SPRYD4: variants seen among roughly 807,000 people sequenced by gnomAD.
SPRYD4 encodes SPRY domain containing 4.
SPRYD4 carries 12 observed loss-of-function variants against 16.6 expected under a neutral mutation model. The observed-to-expected ratio is 0.72, with a 90% CI of 0.46 to 1.17. SPRYD4 has a LOEUF of 1.17. Ranked by LOEUF, SPRYD4 falls within the 50% of genes most tolerant of loss-of-function variation. The pLI, the probability that SPRYD4 is intolerant of heterozygous loss-of-function variation, is 0.00. For missense variants in SPRYD4, 260 were observed against 260.2 expected (o/e 1.00, Z 0.00); for synonymous variants, 98 against 105.4 (o/e 0.93, Z 0.43).
At position 56,470,511 on chromosome 12, in the gene SPRYD4, G is replaced by A. The variant is rs1219220535; in HGVS notation, c.*934G>A. 6.6e-6 allele frequency: 1 copy of A among 152,146 alleles called. No homozygotes were observed. Among genetic ancestry groups the A allele is most frequent in the Non-Finnish European group, 1.5e-5 (1 of 68,082 alleles). 9.4% of individuals were successfully genotyped at this position (152,146 alleles called of 1,614,324 possible). ...GTCTCATTTTTATATTTTTAGTAGA[G>A]ATGGGGTTTTGCCATATTGGCCAGG... On this transcript the variant is annotated 3_prime_UTR_variant, in exon 2 of 2. Coordinates refer to ENST00000338146, the MANE Select transcript of SPRYD4 (RefSeq NM_207344.4).
Position 56,473,811 on chromosome 12 carries a change from C to T in SPRYD4, c.*4234C>T, listed in dbSNP as rs1869531500. The T allele has an allele frequency of 3.6e-6, 2 of 556,878 alleles. No homozygotes were observed. Among genetic ancestry groups the T allele is most frequent in the South Asian group, 3.0e-5 (1 of 33,300 alleles). The allele number at this position is 556,878 out of a possible 1,614,324, so 34.5% of individuals were successfully genotyped here. Reference sequence around the variant, plus strand: ...AAAATATTTTTTGAAATACTTACAGCATTCTGTGCTAGATGCTGTGCTAGA... The same window carrying T: ...AAAATATTTTTTGAAATACTTACAGTATTCTGTGCTAGATGCTGTGCTAGA... On this transcript the variant is annotated 3_prime_UTR_variant, in exon 2 of 2. Transcript: ENST00000338146.
At position 56,468,626 on chromosome 12, in the gene SPRYD4, G is replaced by A. The variant is rs369088791; in HGVS notation, c.35G>A (p.Cys12Tyr). 8.1e-6 allele frequency: 13 copies of A among 1,613,892 alleles called. No individual in the cohort carries two copies. The highest frequency in any genetic ancestry group is 1.1e-5 in the Non-Finnish European group (13 of 1,180,004). Reference sequence around the variant, plus strand: ...CTTTTTGCACGTTCTTTGCGCTTGTGCCGCTGGGGAGCCAAACGATTGGGA... The same window carrying A: ...CTTTTTGCACGTTCTTTGCGCTTGTACCGCTGGGGAGCCAAACGATTGGGA... ...ALLFARSLRLCRWGAKRLGVA... is the reference protein window; with the variant it reads ...ALLFARSLRLYRWGAKRLGVA... Residue 12 changes from cysteine to tyrosine, a missense_variant, in exon 1 of 2, where the codon TGC becomes TAC. By Grantham distance (194) the Cys-to-Tyr change is radical. Transcript: ENST00000338146.
rs966581947 is a variant in SPRYD4 at position 56,473,685 on chromosome 12, A to G, written c.*4108A>G. 1.7e-5 allele frequency: 25 copies of G among 1,451,244 alleles called. No homozygotes were observed. In the Admixed American group the frequency reaches 5.0e-4, roughly 29 times the overall value. 89.9% of individuals were successfully genotyped at this position (1,451,244 alleles called of 1,614,324 possible). A position where few individuals can be genotyped will look rare whatever the true frequency, so the allele number is the denominator to read the frequency against. ...GGCTGTACTCTTAACAAGTTTACAA[A>G]TGACTGCATGACCACAATCCACCTC... On this transcript the variant is annotated 3_prime_UTR_variant, in exon 2 of 2. Coordinates refer to ENST00000338146, the MANE Select transcript of SPRYD4 (RefSeq NM_207344.4).
chr12:56,476,007 C>T lies in SPRYD4; in HGVS notation c.*6430C>T. On this transcript the variant is annotated 3_prime_UTR_variant, in exon 2 of 2. Coordinates refer to ENST00000338146, the MANE Select transcript of SPRYD4 (RefSeq NM_207344.4). ...AGAGAAAGAGAGAGATGTCAGCATTCTAAGTGTAGGAGGATGACAGAGGGA... is the reference window on the plus strand; with the variant it reads ...AGAGAAAGAGAGAGATGTCAGCATTTTAAGTGTAGGAGGATGACAGAGGGA... 4.4e-6 allele frequency: 7 copies of T among 1,608,990 alleles called. No homozygotes were observed. The highest frequency in any genetic ancestry group is 5.9e-6 in the Non-Finnish European group (7 of 1,178,408).
rs371307227 is a variant in SPRYD4, at chr12:56,477,893, G to A, written c.*8316G>A. ...AGATGGGGTGGGGATAAGGAGAAGG[G>A]GACAGCTGTAAGTACGGTCTGAGCC... is the stretch of plus-strand genomic sequence containing the variant. On this transcript the variant is annotated 3_prime_UTR_variant, in exon 2 of 2. Coordinates refer to ENST00000338146, the MANE Select transcript of SPRYD4 (RefSeq NM_207344.4). 122 of 1,593,826 alleles carry A rather than the reference G, an allele frequency of 7.7e-5. No individual in the cohort carries two copies. The South Asian group carries it at 1.2e-3, about 16-fold the overall frequency.
chr12:56,476,134 C>A lies in SPRYD4; in HGVS notation c.*6557C>A. On this transcript the variant is annotated 3_prime_UTR_variant, in exon 2 of 2. Coordinates refer to ENST00000338146, the MANE Select transcript of SPRYD4 (RefSeq NM_207344.4). Reference sequence around the variant, plus strand: ...CCTTTTTTTATCCTTCTGAAAACACCGCACTTCCATTGGCTCCTCTCTTTC... The same window carrying A: ...CCTTTTTTTATCCTTCTGAAAACACAGCACTTCCATTGGCTCCTCTCTTTC... The A allele has an allele frequency of 3.0e-6, 2 of 656,482 alleles. No homozygotes were observed. Among genetic ancestry groups the A allele is most frequent in the Non-Finnish European group, 5.3e-6 (2 of 378,192 alleles). 40.7% of individuals were successfully genotyped at this position (656,482 alleles called of 1,614,324 possible). A position where few individuals can be genotyped will look rare whatever the true frequency, so the allele number is the denominator to read the frequency against.
rs1457829845 is a variant in SPRYD4, at chr12:56,477,161, G to A, written c.*7584G>A. 6.6e-6 allele frequency: 1 copy of A among 152,524 alleles called. No homozygotes were observed. The highest frequency in any genetic ancestry group is 1.5e-5 in the Non-Finnish European group (1 of 68,308). The allele number at this position is 152,524 out of a possible 1,614,324, so 9.4% of individuals were successfully genotyped here. A position where few individuals can be genotyped will look rare whatever the true frequency, so the allele number is the denominator to read the frequency against. ...GGGTGTTGCTGCCCAGCTGCTCCCA[G>A]GTTCTTGCTCAAGCCCTGGGAGACC... On this transcript the variant is annotated 3_prime_UTR_variant, in exon 2 of 2. Coordinates refer to ENST00000338146, the MANE Select transcript of SPRYD4 (RefSeq NM_207344.4).
Position 56,479,215 on chromosome 12 carries a change from G to C in SPRYD4, c.*9638G>C, listed in dbSNP as rs560100533. On this transcript the variant is annotated 3_prime_UTR_variant, in exon 2 of 2. Transcript: ENST00000338146. The stretch of plus-strand genomic sequence containing the variant: ...CAGACACGATTGGATTAGGGGGCTA[G>C]AGAAATGCAGCTGGGACTCACTCTG... 2 of 1,608,310 alleles carry C rather than the reference G, an allele frequency of 1.2e-6. No individual in the cohort carries two copies. The highest frequency in any genetic ancestry group is 1.7e-5 in the Admixed American group (1 of 59,892).
chr12:56,471,591 C>T lies in SPRYD4; in HGVS notation c.*2014C>T. ...TCCTGGTAATCTTGAAGCAGTTTGACCACCTCCAGATGGTTGAACTGCACA... is the reference window on the plus strand; with the variant it reads ...TCCTGGTAATCTTGAAGCAGTTTGATCACCTCCAGATGGTTGAACTGCACA... On this transcript the variant is annotated 3_prime_UTR_variant, in exon 2 of 2. Transcript: ENST00000338146. 1.9e-6 allele frequency: 3 copies of T among 1,614,098 alleles called. No individual in the cohort carries two copies. Among genetic ancestry groups the T allele is most frequent in the Non-Finnish European group, 8.5e-7 (1 of 1,180,014 alleles).
Position 56,472,200 on chromosome 12 carries a change from G to T in SPRYD4, c.*2623G>T. 1.9e-6 allele frequency: 3 copies of T among 1,614,078 alleles called. No homozygotes were observed. In the South Asian group the frequency reaches 3.3e-5, roughly 18 times the overall value. On this transcript the variant is annotated 3_prime_UTR_variant, in exon 2 of 2. Coordinates refer to ENST00000338146, the MANE Select transcript of SPRYD4 (RefSeq NM_207344.4). ...TCCATGGCTGACAAGGCAAACCTGAGGGTAGTGGGAAAGCAGCTAGAGTTG... is the reference window on the plus strand; with the variant it reads ...TCCATGGCTGACAAGGCAAACCTGATGGTAGTGGGAAAGCAGCTAGAGTTG...
Position 56,479,654 on chromosome 12 carries a change from A to G in SPRYD4, c.*10077A>G. On this transcript the variant is annotated 3_prime_UTR_variant, in exon 2 of 2. Transcript: ENST00000338146. ...TATGATGAGTATTCATGTATAACTT[A>G]TGTAATAAGTAATAAAATAAAATGA... 1 of 1,138,992 alleles carries G rather than the reference A, an allele frequency of 8.8e-7. No homozygotes were observed. The highest frequency in any genetic ancestry group is 1.2e-6 in the Non-Finnish European group (1 of 848,978). The allele number at this position is 1,138,992 out of a possible 1,614,324, so 70.6% of individuals were successfully genotyped here.
In SPRYD4 at chr12:56,468,598, C is replaced by G; in HGVS notation, c.7C>G (p.Leu3Val). 6.2e-7 allele frequency: 1 copy of G among 1,613,412 alleles called. No homozygotes were observed. The highest frequency in any genetic ancestry group is 8.5e-7 in the Non-Finnish European group (1 of 1,179,962). The change falls in exon 1 of 2, where the codon CTG becomes GTG. Residue 3 changes from leucine (L) to valine (V), a missense_variant. Leu to Val is a conservative substitution (Grantham distance 32). Transcript: ENST00000338146. Reference protein sequence around the residue: MALLFARSLRLCR... With the variant: MAVLFARSLRLCR... The stretch of plus-strand genomic sequence containing the variant: ...GGTTCATCCAAGGCGCAAGATGGCG[C>G]TGCTTTTTGCACGTTCTTTGCGCTT...
In SPRYD4 at chr12:56,474,692, G is replaced by C. The variant is rs963826487; in HGVS notation, c.*5115G>C. 6.2e-7 allele frequency: 1 copy of C among 1,611,976 alleles called. No homozygotes were observed. The highest frequency in any genetic ancestry group is 8.5e-7 in the Non-Finnish European group (1 of 1,178,674). ...GAGGGTGGCTGCCATGACACTGCCT[G>C]ATTCACAAGTGACCTCCACAGAACA... On this transcript the variant is annotated 3_prime_UTR_variant, in exon 2 of 2. Transcript: ENST00000338146.
rs1869415077 is a variant in SPRYD4, at chr12:56,472,832, C to T, written c.*3255C>T. The T allele has an allele frequency of 5.1e-5, 57 of 1,123,112 alleles. No individual in the cohort carries two copies. In the South Asian group the frequency reaches 6.7e-4, roughly 13 times the overall value. The allele number at this position is 1,123,112 out of a possible 1,614,324, so 69.6% of individuals were successfully genotyped here. A position where few individuals can be genotyped will look rare whatever the true frequency, so the allele number is the denominator to read the frequency against. ...GCCCTGTGACCCTCCTCCATGGATG[C>T]TTAGTCCAAGGGTATTGCTGAAGTG... On this transcript the variant is annotated 3_prime_UTR_variant, in exon 2 of 2. Transcript: ENST00000338146.
rs1869901023 is a variant in SPRYD4, at chr12:56,477,214, T to A, written c.*7637T>A. The A allele has an allele frequency of 6.5e-6, 1 of 153,622 alleles. No homozygotes were observed. Among genetic ancestry groups the A allele is most frequent in the Non-Finnish European group, 1.4e-5 (1 of 69,040 alleles). The allele number at this position is 153,622 out of a possible 1,614,324, so 9.5% of individuals were successfully genotyped here. A position where few individuals can be genotyped will look rare whatever the true frequency, so the allele number is the denominator to read the frequency against. On this transcript the variant is annotated 3_prime_UTR_variant, in exon 2 of 2. Transcript: ENST00000338146. ...CAGCTGATGGGCTAGTCTGACACCCTGTTCAAGGCCAACTCACAGTTCCAG... is the reference window on the plus strand; with the variant it reads ...CAGCTGATGGGCTAGTCTGACACCCAGTTCAAGGCCAACTCACAGTTCCAG...
chr12:56,468,836 AATT>A, intron 1 of SPRYD4, 160 bp downstream of exon 1: 2 of 1,047,314 alleles, frequency 1.9e-6, no homozygotes, highest in South Asian at 3.3e-5. Flanking sequence ...GGTTTCTTTA[AATT>A]CCGGGACTTA....
rs1869628703 is a variant in SPRYD4 at position 56,474,634 on chromosome 12, C to CT, written c.*5058dup. ...GCACTGCTTCAGCACTCAGCACACT[C>CT]TCGCCTGTGATGGGGCAGATCCCAC... On this transcript the variant is annotated 3_prime_UTR_variant, in exon 2 of 2. Coordinates refer to ENST00000338146, the MANE Select transcript of SPRYD4 (RefSeq NM_207344.4). The CT allele has an allele frequency of 6.2e-7, 1 of 1,614,072 alleles. No individual in the cohort carries two copies. Among genetic ancestry groups the CT allele is most frequent in the Non-Finnish European group, 8.5e-7 (1 of 1,180,024 alleles).
chr12:56,472,802 G>A lies in SPRYD4; in HGVS notation c.*3225G>A. The A allele has an allele frequency of 6.5e-7, 1 of 1,534,428 alleles. No homozygotes were observed. On this transcript the variant is annotated 3_prime_UTR_variant, in exon 2 of 2. Transcript: ENST00000338146. ...ACATTAATTGAACTCACCTATGCCA[G>A]CTGTGCCCTGTGACCCTCCTCCATG...
At position 56,473,765 on chromosome 12, in the gene SPRYD4, T is replaced by A; in HGVS notation, c.*4188T>A. The A allele has an allele frequency of 1.4e-6, 1 of 713,654 alleles. No homozygotes were observed. Among genetic ancestry groups the A allele is most frequent in the Non-Finnish European group, 2.1e-6 (1 of 469,138 alleles). The allele number at this position is 713,654 out of a possible 1,614,324, so 44.2% of individuals were successfully genotyped here. A position where few individuals can be genotyped will look rare whatever the true frequency, so the allele number is the denominator to read the frequency against. ...TATTACTCCTGTCCTTTCCTTCCCT[T>A]AAATTCATTGATTCAGCTAGAAAAT... On this transcript the variant is annotated 3_prime_UTR_variant, in exon 2 of 2. Coordinates refer to ENST00000338146, the MANE Select transcript of SPRYD4 (RefSeq NM_207344.4).
Sources: allele counts gnomAD v4.1 joint callset, GRCh38; gene constraint gnomAD v4.1.1; transcripts MANE v1.5; gene names NCBI Gene and HGNC (gene_info 2026-07-23, HGNC 2026-07-21).